ACTR3C: variants seen among roughly 807,000 people sequenced by gnomAD.
ACTR3C encodes the protein actin-related protein 3C.
ACTR3C carries 18 observed loss-of-function variants against 26.3 expected under a neutral mutation model. That is an observed-to-expected ratio of 0.68 (90% CI 0.47 to 1.01). The LOEUF (loss-of-function observed/expected upper bound fraction) is 1.01. Among genes scored for constraint, ACTR3C ranks in the 50% least tolerant of loss-of-function variants. The pLI is 0.00. For missense variants in ACTR3C, 184 were observed against 250.7 expected (o/e 0.73, Z 1.80); for synonymous variants, 55 against 94.5 (o/e 0.58, Z 2.42).
the ACTR3C span, chr7:150,047,862 C>T: frequency 1.1e-5 from 16 of 1,491,660 alleles, no homozygotes; most frequent in Non-Finnish European, 1.3e-5. Context: ...CATCGGGCAC[C>T]GCGCTCCTGC....
the ACTR3C span, among the ~76,000 whole-genome samples, chr7:150,198,697 C>A: frequency 6.7e-6 from 1 of 148,514 alleles, no homozygotes; most frequent in Non-Finnish European, 1.5e-5. Flanking sequence ...GCAGCCACCC[C>A]ATCTGGGAAG....
At chr7:149,945,184 G>T in the ACTR3C span, among the ~76,000 whole-genome samples, 2 of 152,074 alleles carry the variant, frequency 1.3e-5, no homozygotes, top group East Asian at 3.9e-4. Context: ...GAGACAGGAG[G>T]CACTGATGTG....
chr7:149,991,151 A>C, the ACTR3C span, among the ~76,000 whole-genome samples: 1 of 152,224 alleles, frequency 6.6e-6, no homozygotes, highest in Non-Finnish European at 1.5e-5. Context: ...AAAGACAGCA[A>C]GTGCAGGGGA....
chr7:150,018,818 G>A, the ACTR3C span, among the ~76,000 whole-genome samples: 21 of 150,200 alleles, frequency 1.4e-4, no homozygotes, highest in Admixed American at 6.6e-4. Context: ...CATATTGTTC[G>A]TATCTAAGAG....
chr7:150,221,922 C>T, the ACTR3C span, among the ~76,000 whole-genome samples: 4 of 148,202 alleles, frequency 2.7e-5, no homozygotes, highest in Non-Finnish European at 4.4e-5. Context: ...GGCGTGAACC[C>T]GGGAGGCGGA....
the ACTR3C span, among the ~76,000 whole-genome samples, chr7:149,978,896 C>T: frequency 6.6e-6 from 1 of 152,040 alleles, no homozygotes; most frequent in Admixed American, 6.6e-5. Context: ...AGCCCTAAAG[C>T]GGACTGTTCG....
chr7:150,071,146 C>T, the ACTR3C span, among the ~76,000 whole-genome samples: 19 of 142,074 alleles, frequency 1.3e-4, no homozygotes, highest in East Asian at 1.1e-3. Flanking sequence ...TTGTTTGAGA[C>T]GGAGTCTCGC....
chr7:150,263,953 G>C (rs541331397), intron 6 of ACTR3C, among the ~76,000 whole-genome samples: 1 of 152,226 alleles, frequency 6.6e-6, no homozygotes, highest in Non-Finnish European at 1.5e-5. Flanking sequence ...GCAGGTGGAA[G>C]CTATGACTAT....
At chr7:150,298,185 G>T (rs1795104203) in intron 1 of ACTR3C, among the ~76,000 whole-genome samples, 1 of 150,606 alleles carries the variant, frequency 6.6e-6, no homozygotes, top group Non-Finnish European at 1.5e-5. Context: ...GCAGGAAGGA[G>T]CTAGTTACCC....
At chr7:150,167,928 G>C in the ACTR3C span, among the ~76,000 whole-genome samples, 2 of 150,654 alleles carry the variant, frequency 1.3e-5, no homozygotes, top group Admixed American at 6.6e-5. Flanking sequence ...GATGGGTATA[G>C]CTGACGAGTT....
At chr7:150,218,327 A>G in the ACTR3C span, among the ~76,000 whole-genome samples, 2 of 152,264 alleles carry the variant, frequency 1.3e-5, no homozygotes, top group African/African-American at 4.8e-5. Context: ...CAAACTTTGC[A>G]GGCAAACAAC....
At chr7:150,195,846 T>C in the ACTR3C span, among the ~76,000 whole-genome samples, 1 of 152,216 alleles carries the variant, frequency 6.6e-6, no homozygotes, top group Non-Finnish European at 1.5e-5. Context: ...GCCATTGCAC[T>C]CCAGCCTGGG....
the ACTR3C span, chr7:149,891,093 A>G: frequency 1.9e-6 from 1 of 527,916 alleles, no homozygotes; most frequent in African/African-American, 1.9e-5. Context: ...ATATCTTTAG[A>G]AGAAATTTAA....
chr7:150,236,230 C>A, the ACTR3C span, among the ~76,000 whole-genome samples: 7 of 152,186 alleles, frequency 4.6e-5, no homozygotes, highest in African/African-American at 1.7e-4. Context: ...AGAGGCAGGA[C>A]TGAGAGAAAA....
chr7:150,076,453 T>C, the ACTR3C span: 5 of 152,196 alleles, frequency 3.3e-5, no homozygotes, highest in African/African-American at 7.2e-5. Flanking sequence ...ATTTGTGGAT[T>C]GATAGCTGAA....
the ACTR3C span, among the ~76,000 whole-genome samples, chr7:150,110,951 T>C: frequency 6.6e-6 from 1 of 150,394 alleles, no homozygotes; most frequent in Admixed American, 6.6e-5. Context: ...GAGGGCCCCC[T>C]TGCATCTTGC....
At chr7:150,039,704 A>G in the ACTR3C span, among the ~76,000 whole-genome samples, 46 of 124,686 alleles carry the variant, frequency 3.7e-4, no homozygotes, top group East Asian at 2.9e-3. Context: ...GCCGGGGGGG[A>G]AGAGGGTCTG....
chr7:150,258,627 A>G (rs1289653523), intron 6 of ACTR3C, among the ~76,000 whole-genome samples: 2 of 152,370 alleles, frequency 1.3e-5, no homozygotes, highest in African/African-American at 4.8e-5. Flanking sequence ...CAATGTGAGA[A>G]AAAAACTGTC....
chr7:150,208,886 A>G, the ACTR3C span, among the ~76,000 whole-genome samples: 1 of 152,164 alleles, frequency 6.6e-6, no homozygotes, highest in African/African-American at 2.4e-5. Flanking sequence ...CATTAAAACA[A>G]TTATTACAGC....
Sources: gnomAD v4.1 joint callset for allele counts (sites outside exome capture counted in the v4.1 genomes callset) on GRCh38, gnomAD v4.1.1 for gene constraint, MANE v1.5 for transcripts, NCBI Gene and HGNC (gene_info 2026-07-23, HGNC 2026-07-21) for gene names.